Variants in GRIK1 observed in about 807,000 individuals in gnomAD.
The protein encoded by GRIK1 is glutamate ionotropic receptor kainate type subunit 1.
A neutral mutation model predicts 105.7 loss-of-function variants in GRIK1; 69 were observed. That is an observed-to-expected ratio of 0.65 (90% CI 0.54 to 0.80). The LOEUF (loss-of-function observed/expected upper bound fraction) is 0.80, where lower values mean the gene tolerates loss of function less well. Ranked by LOEUF, GRIK1 falls within the 30% of genes least tolerant of loss-of-function variation. The pLI is 0.00. For synonymous variants in GRIK1, 438 were observed against 431.3 expected (o/e 1.02, Z -0.19); for missense variants, 1,109 against 1,167.3 (o/e 0.95, Z 0.73).
At chr21:29,767,311 C>T (rs2065691878) in intron 1 of GRIK1, among the ~76,000 whole-genome samples, 2 of 152,246 alleles carry the variant, frequency 1.3e-5, no homozygotes, top group South Asian at 4.1e-4. Context: ...TTGTAGTAAA[C>T]AGAATTATTA....
chr21:29,662,631 CA>C (rs966245414), intron 4 of GRIK1, among the ~76,000 whole-genome samples: 4 of 152,018 alleles, frequency 2.6e-5, no homozygotes, highest in Non-Finnish European at 4.4e-5. Flanking sequence ...GAAGGAGAGA[CA>C]GGGGTGCAGC....
intron 1 of GRIK1, among the ~76,000 whole-genome samples, chr21:29,842,997 A>G (rs1400546915): frequency 1.3e-5 from 2 of 152,254 alleles, no homozygotes; most frequent in Admixed American, 6.5e-5. Flanking sequence ...TGACTCTACA[A>G]TCCAATTATT....
At chr21:29,565,936 A>T (rs1316694954) in intron 14 of GRIK1, among the ~76,000 whole-genome samples, 1 of 152,202 alleles carries the variant, frequency 6.6e-6, no homozygotes, top group Non-Finnish European at 1.5e-5. Flanking sequence ...CACAGAATTG[A>T]GGGCTCTTTC....
At chr21:29,904,447 C>G in intron 1 of GRIK1, among the ~76,000 whole-genome samples, 1 of 152,020 alleles carries the variant, frequency 6.6e-6, no homozygotes, top group East Asian at 1.9e-4. Flanking sequence ...GTCTTGCTCA[C>G]TTTTGTGTTC....
At chr21:29,810,942 T>C (rs1431244038) in intron 1 of GRIK1, among the ~76,000 whole-genome samples, 2 of 152,086 alleles carry the variant, frequency 1.3e-5, no homozygotes, top group African/African-American at 4.8e-5. Context: ...CCCAAAGTAA[T>C]AAAATTTCTT....
intron 2 of GRIK1, among the ~76,000 whole-genome samples, chr21:29,692,303 G>A (rs998972128): frequency 1.3e-5 from 2 of 152,172 alleles, no homozygotes; most frequent in African/African-American, 4.8e-5. Flanking sequence ...GCTCCACAAT[G>A]TGTAGGAGTG....
chr21:29,555,599 T>G (rs2090231967), intron 15 of GRIK1, among the ~76,000 whole-genome samples: 1 of 152,316 alleles, frequency 6.6e-6, no homozygotes, highest in African/African-American at 2.4e-5. Flanking sequence ...GAGATCATTA[T>G]GAGTCTTTTC....
chr21:29,736,930 C>T (rs2064806136), intron 1 of GRIK1, among the ~76,000 whole-genome samples: 1 of 152,208 alleles, frequency 6.6e-6, no homozygotes, highest in South Asian at 2.1e-4. Context: ...CCACCCACCT[C>T]GGCCTCCCAG....
intron 3 of GRIK1, among the ~76,000 whole-genome samples, chr21:29,683,048 A>C (rs1207117437): frequency 1.3e-5 from 2 of 152,212 alleles, no homozygotes. Flanking sequence ...ATCATGACAG[A>C]TCATCAGAGA....
chr21:29,553,785 A>G, intron 16 of GRIK1: 1 of 976,786 alleles, frequency 1.0e-6, no homozygotes, highest in Non-Finnish European at 1.5e-6. Flanking sequence ...ATGAAAATTT[A>G]CATCACATGA....
chr21:29,841,696 G>C (rs1289385523), intron 1 of GRIK1, among the ~76,000 whole-genome samples: 1 of 152,130 alleles, frequency 6.6e-6, no homozygotes. Flanking sequence ...CTGTCTATTG[G>C]AGAATCATGT....
At chr21:29,600,633 T>A (rs577007592) in intron 7 of GRIK1, among the ~76,000 whole-genome samples, 1 of 152,364 alleles carries the variant, frequency 6.6e-6, no homozygotes, top group Non-Finnish European at 1.5e-5. Flanking sequence ...ATGTTGAATG[T>A]ATTTACCCAT....
At chr21:29,636,017 G>T (rs1437238006) in intron 7 of GRIK1, among the ~76,000 whole-genome samples, 1 of 152,166 alleles carries the variant, frequency 6.6e-6, no homozygotes, top group Non-Finnish European at 1.5e-5. Flanking sequence ...ATCTTAAACT[G>T]TCTGCTAAGC....
At chr21:29,651,012 G>A in intron 6 of GRIK1, 106 bp downstream of exon 6, 1 of 779,892 alleles carries the variant, frequency 1.3e-6, no homozygotes, top group Non-Finnish European at 1.9e-6. Context: ...TGCAAGTCAA[G>A]GCACCCACTG....
intron 1 of GRIK1, among the ~76,000 whole-genome samples, chr21:29,874,678 A>T (rs2069131292): frequency 6.6e-6 from 1 of 152,196 alleles, no homozygotes; most frequent in Non-Finnish European, 1.5e-5. Context: ...GAGAGAATAG[A>T]GTATGGACAA....
chr21:29,666,126 A>G (rs192754802), intron 4 of GRIK1, among the ~76,000 whole-genome samples: 3 of 152,320 alleles, frequency 2.0e-5, no homozygotes, highest in Admixed American at 6.5e-5. Context: ...TAAATAAGCC[A>G]GGCTTGGTGG....
intron 1 of GRIK1, among the ~76,000 whole-genome samples, chr21:29,894,533 C>G (rs1035387980): frequency 1.3e-5 from 2 of 152,152 alleles, no homozygotes; most frequent in African/African-American, 4.8e-5. Flanking sequence ...ATGGTGCCCA[C>G]CCAGACCGAG....
chr21:29,792,698 A>G (rs926918183), intron 1 of GRIK1, among the ~76,000 whole-genome samples: 7 of 152,236 alleles, frequency 4.6e-5, no homozygotes, highest in African/African-American at 1.4e-4. Context: ...AACATGATGC[A>G]TGGAGTTCCG....
chr21:29,865,521 A>G (rs1336217013), intron 1 of GRIK1, among the ~76,000 whole-genome samples: 3 of 152,276 alleles, frequency 2.0e-5, no homozygotes, highest in Non-Finnish European at 4.4e-5. Flanking sequence ...AAATGTGTAA[A>G]CACAATGAAA....
Sources: gnomAD v4.1 joint callset for allele counts (sites outside exome capture counted in the v4.1 genomes callset) on GRCh38, gnomAD v4.1.1 for gene constraint, MANE v1.5 for transcripts, NCBI Gene and HGNC (gene_info 2026-07-23, HGNC 2026-07-21) for gene names.